The following ACTR1A variants were observed in gnomAD, a reference collection of about 807,000 sequenced individuals.
ACTR1A encodes alpha-centractin.
A neutral mutation model predicts 50.7 loss-of-function variants in ACTR1A; 10 were observed. The observed-to-expected ratio is 0.20, with a 90% CI of 0.12 to 0.33. The LOEUF (loss-of-function observed/expected upper bound fraction) is 0.33, where lower values mean the gene tolerates loss of function less well. Among genes scored for constraint, ACTR1A ranks in the 10% least tolerant of loss-of-function variants. The probability of loss-of-function intolerance (pLI) is 1.00; values close to 1 mark genes in which losing one functional copy is unlikely to be tolerated. For missense variants in ACTR1A, 253 were observed against 491.7 expected (o/e 0.51, Z 4.59); for synonymous variants, 177 against 184.2 (o/e 0.96, Z 0.32).
intron 1 of ACTR1A, among the ~76,000 whole-genome samples, chr10:102,493,067 G>A (rs934614564): frequency 6.6e-6 from 1 of 150,526 alleles, no homozygotes; most frequent in East Asian, 1.9e-4. Context: ...GAGGAGAGCA[G>A]GGCAGCCAGT....
chr10:102,498,459 G>A (rs1377932528), intron 1 of ACTR1A, among the ~76,000 whole-genome samples: 1 of 152,082 alleles, frequency 6.6e-6, no homozygotes, highest in African/African-American at 2.4e-5. Flanking sequence ...AAGTTTGACA[G>A]GAATGTTGAT....
chr10:102,492,053 GC>G (rs1334443783), intron 1 of ACTR1A, among the ~76,000 whole-genome samples: 5 of 126,602 alleles, frequency 3.9e-5, no homozygotes, highest in East Asian at 2.4e-4. Flanking sequence ...ATAGGCGTGA[GC>G]CCACCGTGCC....
rs1209880000 is a variant in ACTR1A at position 102,488,849 on chromosome 10, G to GT, written c.189+213dup. On this transcript the variant is annotated intron_variant, in intron 3 of 10. Coordinates refer to ENST00000369905, the MANE Select transcript of ACTR1A (RefSeq NM_005736.4). This position sits in a 1 kb window ranked among gnomAD's most constrained non-coding sequence, Gnocchi z 4.4. ...TAGACTGGTCTCAGTGTGTCCCAAAGTGAGGTCCCAGGTATTTTCTTCTCC... is the reference window on the plus strand; with the variant it reads ...TAGACTGGTCTCAGTGTGTCCCAAAGTTGAGGTCCCAGGTATTTTCTTCTCC... Among the ~76,000 whole-genome samples the GT allele has an allele frequency of 1.3e-5, 2 of 152,190 alleles. No individual in the cohort carries two copies. Among genetic ancestry groups the GT allele is most frequent in the Admixed American group, 6.5e-5 (1 of 15,270 alleles).
At chr10:102,494,383 A>C (rs1057387377) in intron 1 of ACTR1A, among the ~76,000 whole-genome samples, 1 of 152,178 alleles carries the variant, frequency 6.6e-6, no homozygotes, top group African/African-American at 2.4e-5. Context: ...CTGTACTCCT[A>C]GCTACTTGGG....
At chr10:102,490,098 C>T (rs760009855) in intron 2 of ACTR1A, among the ~76,000 whole-genome samples, 5 of 151,356 alleles carry the variant, frequency 3.3e-5, no homozygotes, top group African/African-American at 4.9e-5. Context: ...TAGCCAGGCA[C>T]GGTGGCAGGC....
intron 1 of ACTR1A, among the ~76,000 whole-genome samples, chr10:102,491,064 C>T (rs1255289444): frequency 6.6e-6 from 1 of 151,926 alleles, no homozygotes; most frequent in African/African-American, 2.4e-5. Context: ...TAAATGCACA[C>T]CAAAAGAAGG....
intron 2 of ACTR1A, among the ~76,000 whole-genome samples, chr10:102,489,366 G>C (rs2062182196): frequency 6.6e-6 from 1 of 151,848 alleles, no homozygotes; most frequent in Non-Finnish European, 1.5e-5. Context: ...TATAAATTAT[G>C]AAAACAAATT....
Position 102,488,252 on chromosome 10 carries a change from G to A in ACTR1A, c.213C>T (p.Ile71=), listed in dbSNP as rs751312152. The A allele has an allele frequency of 1.2e-6, 2 of 1,613,920 alleles. No individual in the cohort carries two copies. Among genetic ancestry groups the A allele is most frequent in the Non-Finnish European group, 1.7e-6 (2 of 1,179,826 alleles). ...CGATGCCATGCTCCATGGGATAGCGGATTGAAAGCAGCCCTCGGTGCTCCT... is the reference window on the plus strand; with the variant it reads ...CGATGCCATGCTCCATGGGATAGCGAATTGAAAGCAGCCCTCGGTGCTCCT... ...KAEEHRGLLS[I]RYPMEHGIVK... is the part of the protein sequence containing the mutation. Residue 71 remains isoleucine, a synonymous_variant, in exon 4 of 11, where the codon ATC becomes ATT. Transcript: ENST00000369905. The surrounding 1 kb of genome is among the most constrained non-coding windows in gnomAD (Gnocchi z 4.4).
chr10:102,482,022 C>T lies in ACTR1A; in HGVS notation c.904G>A (p.Gly302Arg), dbSNP rs976815580. ...AAACCTTTGAACAGGGTAGAGCCTC[C>T]TGAGAGGACAATGTTAGAGAAAAGC... ...RTLFSNIVLS[G>R]GSTLFKGFGD... The change falls in exon 8 of 11, where the codon GGA (glycine) becomes AGA (arginine). Residue 302 changes from glycine to arginine, a missense_variant. Around this residue, in one of 4 missense-constraint regions of ACTR1A, gnomAD observed 27 missense variants for 80.7 expected, o/e 0.33. Coordinates refer to ENST00000369905, the MANE Select transcript of ACTR1A (RefSeq NM_005736.4). The surrounding 1 kb of genome is among the most constrained non-coding windows in gnomAD (Gnocchi z 5.6). 1 of 1,614,100 alleles carries T rather than the reference C, an allele frequency of 6.2e-7. No homozygotes were observed.
At chr10:102,497,105 G>A (rs2062225862) in intron 1 of ACTR1A, among the ~76,000 whole-genome samples, 1 of 151,282 alleles carries the variant, frequency 6.6e-6, no homozygotes, top group African/African-American at 2.4e-5. Flanking sequence ...CTTGAGCCAC[G>A]GAGGTGGAGG....
intron 5 of ACTR1A, among the ~76,000 whole-genome samples, chr10:102,485,061 T>A (rs769731881): frequency 3.3e-5 from 5 of 152,234 alleles, no homozygotes; most frequent in African/African-American, 1.2e-4. Context: ...GGACACCTCT[T>A]GATTTTTAAA....
At chr10:102,502,174 G>A (rs1222054529) in intron 1 of ACTR1A, among the ~76,000 whole-genome samples, 1 of 152,252 alleles carries the variant, frequency 6.6e-6, no homozygotes, top group African/African-American at 2.4e-5. Context: ...ATGGCGGCAA[G>A]GAAGAATGGC....
Position 102,490,537 on chromosome 10 carries a change from A to C in ACTR1A, c.113+12T>G. 2 of 1,609,752 alleles carry C rather than the reference A, an allele frequency of 1.2e-6. No homozygotes were observed. Among genetic ancestry groups the C allele is most frequent in the Non-Finnish European group, 8.5e-7 (1 of 1,176,084 alleles). On this transcript the variant is annotated intron_variant, in intron 2 of 10. Coordinates refer to ENST00000369905, the MANE Select transcript of ACTR1A (RefSeq NM_005736.4). ...TGAGCCTCCAAAACGTCTAAGCTACAGAATGACTTACTAGTTTGGAAAGCA... is the reference window on the plus strand; with the variant it reads ...TGAGCCTCCAAAACGTCTAAGCTACCGAATGACTTACTAGTTTGGAAAGCA...
At chr10:102,495,019 C>T (rs2062213528) in intron 1 of ACTR1A, among the ~76,000 whole-genome samples, 1 of 151,982 alleles carries the variant, frequency 6.6e-6, no homozygotes, top group Non-Finnish European at 1.5e-5. Context: ...CCATGTTGGC[C>T]AGGCTGGTCT....
intron 1 of ACTR1A, among the ~76,000 whole-genome samples, chr10:102,498,949 T>TA (rs2062234957): frequency 6.6e-6 from 1 of 152,098 alleles, no homozygotes; most frequent in Non-Finnish European, 1.5e-5. Context: ...CTTGGGTGAT[T>TA]AAAAAAATAC....
At chr10:102,496,263 G>A (rs1041861696) in intron 1 of ACTR1A, among the ~76,000 whole-genome samples, 1 of 152,216 alleles carries the variant, frequency 6.6e-6, no homozygotes, top group Non-Finnish European at 1.5e-5. Context: ...GGATAGAAAG[G>A]AGAATCAGTT....
chr10:102,495,178 G>C (rs1425364953), intron 1 of ACTR1A, among the ~76,000 whole-genome samples: 1 of 152,096 alleles, frequency 6.6e-6, no homozygotes, highest in Non-Finnish European at 1.5e-5. Flanking sequence ...TTGGGAGGCT[G>C]AGCCCAAGAG....
At chr10:102,481,027 A>G in intron 10 of ACTR1A, 62 bp from the exon 11 acceptor site, 1 of 1,579,950 alleles carries the variant, frequency 6.3e-7, no homozygotes. Context: ...GGAGCCTACC[A>G]GTCCCCTGGG....
rs1266087084 is a variant in ACTR1A, at chr10:102,482,220, G to T, written c.751-45C>A. 3 of 1,591,720 alleles carry T rather than the reference G, an allele frequency of 1.9e-6. No homozygotes were observed. The highest frequency in any genetic ancestry group is 1.3e-5 in the African/African-American group (1 of 74,526). On this transcript the variant is annotated intron_variant, in intron 7 of 10. Coordinates refer to ENST00000369905, the MANE Select transcript of ACTR1A (RefSeq NM_005736.4). The surrounding 1 kb of genome is among the most constrained non-coding windows in gnomAD (Gnocchi z 5.6). The stretch of plus-strand genomic sequence containing the variant: ...CTGAAGAGGTCGGAGCTGGGACCAA[G>T]GTCCCTTTGGGAGTGGGAATGGAAG...
Sources: allele counts gnomAD v4.1 joint callset (sites outside exome capture counted in the v4.1 genomes callset), GRCh38; gene constraint gnomAD v4.1.1; regional missense constraint gnomAD v4.1.1; non-coding constraint Gnocchi (gnomAD v3.1); transcripts MANE v1.5; gene names NCBI Gene and HGNC (gene_info 2026-07-23, HGNC 2026-07-21).